IGF1: variants seen among roughly 807,000 people sequenced by gnomAD.
IGF1 encodes the protein insulin like growth factor 1, also known as insulin-like growth factor 1.
IGF1 carries 4 observed loss-of-function variants against 13.8 expected under a neutral mutation model. That is an observed-to-expected ratio of 0.29 (90% CI 0.14 to 0.66). IGF1 has a LOEUF of 0.66. Among genes scored for constraint, IGF1 ranks in the 30% least tolerant of loss-of-function variants. The pLI is 0.78. For synonymous variants in IGF1, 76 were observed against 72.6 expected, an observed-to-expected ratio of 1.05 and a Z score of -0.23; for missense variants, 124 against 188.5, an observed-to-expected ratio of 0.66 and a Z score of 2.00.
intron 2 of IGF1, among the ~76,000 whole-genome samples, chr12:102,458,566 C>T (rs1235091555): frequency 6.6e-6 from 1 of 152,074 alleles, no homozygotes; most frequent in Non-Finnish European, 1.5e-5. Context: ...GCACACATAA[C>T]TAATCTAGGC....
intron 2 of IGF1, among the ~76,000 whole-genome samples, chr12:102,471,033 TC>T (rs765156664): frequency 7.9e-5 from 12 of 152,144 alleles, no homozygotes; most frequent in Non-Finnish European, 1.6e-4. Context: ...GGCTCCTTAG[TC>T]CAAAAGACCT....
At chr12:102,419,963 T>A (rs1298688055) in intron 2 of IGF1, among the ~76,000 whole-genome samples, 1 of 152,208 alleles carries the variant, frequency 6.6e-6, no homozygotes, top group Non-Finnish European at 1.5e-5. Flanking sequence ...TAGGCAAGGA[T>A]CTTGTCTATG....
At chr12:102,421,216 GTGGTCTTTCTGGGCAGAGTC>G (rs1170288173) in intron 2 of IGF1, among the ~76,000 whole-genome samples, 1 of 152,194 alleles carries the variant, frequency 6.6e-6, no homozygotes, top group Non-Finnish European at 1.5e-5. Flanking sequence ...GGGTTCATTT[GTGGTCTTTCTGGGCAGAGTC>G]TGCTGTGCAG....
intron 2 of IGF1, among the ~76,000 whole-genome samples, chr12:102,429,226 C>A (rs1876515815): frequency 6.6e-6 from 1 of 151,978 alleles, no homozygotes; most frequent in African/African-American, 2.4e-5. Context: ...CTCATCAGAC[C>A]ATTATTTCTT....
intron 2 of IGF1, among the ~76,000 whole-genome samples, chr12:102,440,910 T>A (rs944746373): frequency 1.3e-5 from 2 of 152,194 alleles, no homozygotes; most frequent in African/African-American, 4.8e-5. Context: ...AGGAATGAGT[T>A]TTTTGGGAGA....
At chr12:102,449,128 G>A (rs933585243) in intron 2 of IGF1, among the ~76,000 whole-genome samples, 1 of 152,098 alleles carries the variant, frequency 6.6e-6, no homozygotes, top group African/African-American at 2.4e-5. Flanking sequence ...ATTCACAATA[G>A]GAAAGACTTG....
At chr12:102,471,469 A>C (rs753543394) in intron 2 of IGF1, among the ~76,000 whole-genome samples, 2 of 152,178 alleles carry the variant, frequency 1.3e-5, no homozygotes, top group Non-Finnish European at 2.9e-5. Context: ...ACTTAATAAT[A>C]ATAACCTAGA....
intron 1 of IGF1, chr12:102,478,605 G>C: frequency 6.5e-7 from 1 of 1,546,388 alleles, no homozygotes; most frequent in Non-Finnish European, 8.7e-7. Flanking sequence ...TTGTGGGTGG[G>C]GTTTGTGAAA....
At chr12:102,411,012 TA>T (rs1198471393) in intron 3 of IGF1, among the ~76,000 whole-genome samples, 6 of 152,182 alleles carry the variant, frequency 3.9e-5, no homozygotes, top group Non-Finnish European at 7.4e-5. Flanking sequence ...CATACAGTTT[TA>T]AAAAAATCAG....
At position 102,415,031 on chromosome 12, in the gene IGF1, G is replaced by T. The variant is rs778949186; in HGVS notation, c.402+4478C>A. On this transcript the variant is annotated intron_variant, in intron 3 of 3. Transcript: ENST00000337514. The stretch of plus-strand genomic sequence containing the variant: ...TAGCCAGTTGCCACCTGTAGCAATA[G>T]GTCCTTGAACAATTTCAATTTGGCC... 6.8e-4 allele frequency among the ~76,000 whole-genome samples: 104 copies of T among 152,272 alleles called. 1 individual carries two copies. The highest frequency in any genetic ancestry group is 3.4e-3 in the Middle Eastern group (1 of 294).
At chr12:102,420,981 T>G (rs1875660536) in intron 2 of IGF1, among the ~76,000 whole-genome samples, 1 of 152,230 alleles carries the variant, frequency 6.6e-6, no homozygotes, top group South Asian at 2.1e-4. Context: ...AAAGTCAGAA[T>G]CCTCATGTAT....
chr12:102,460,808 AT>A (rs1326922447), intron 2 of IGF1, among the ~76,000 whole-genome samples: 1 of 152,182 alleles, frequency 6.6e-6, no homozygotes, highest in African/African-American at 2.4e-5. Flanking sequence ...AACAAATCAA[AT>A]ATATAGTTTT....
intron 2 of IGF1, among the ~76,000 whole-genome samples, chr12:102,466,281 T>C (rs1244022435): frequency 6.6e-6 from 1 of 152,196 alleles, no homozygotes; most frequent in African/African-American, 2.4e-5. Context: ...TGTGTTACTT[T>C]CACTCATGGT....
rs1000573090 is a variant in IGF1 at position 102,448,090 on chromosome 12, T to C, written c.220+27553A>G. On this transcript the variant is annotated intron_variant, in intron 2 of 3. Transcript: ENST00000337514. ...AAATTTACAAAAAAAAAAAATCTCATGGGACTGTAAACTAGTCAACCATTG... is the reference window on the plus strand; with the variant it reads ...AAATTTACAAAAAAAAAAAATCTCACGGGACTGTAAACTAGTCAACCATTG... Among the ~76,000 whole-genome samples the C allele has an allele frequency of 7.1e-5, 4 of 56,304 alleles. No homozygotes were observed. In the Admixed American group the frequency reaches 9.0e-4, roughly 13 times the overall value. 36.9% of individuals were successfully genotyped at this position (56,304 alleles called of 152,430 possible).
At chr12:102,457,293 A>G (rs1879496133) in intron 2 of IGF1, among the ~76,000 whole-genome samples, 2 of 152,248 alleles carry the variant, frequency 1.3e-5, no homozygotes, top group Admixed American at 1.3e-4. Flanking sequence ...TGCTAAAAGA[A>G]AAGCAACCAA....
intron 2 of IGF1, among the ~76,000 whole-genome samples, chr12:102,451,306 C>T (rs1878902398): frequency 6.6e-6 from 1 of 152,192 alleles, no homozygotes; most frequent in African/African-American, 2.4e-5. Flanking sequence ...TAGATAATTT[C>T]AGTATATCTC....
intron 2 of IGF1, among the ~76,000 whole-genome samples, chr12:102,447,193 T>C (rs1250297056): frequency 6.6e-6 from 1 of 152,202 alleles, no homozygotes; most frequent in Non-Finnish European, 1.5e-5. Context: ...GAGAAGAGTG[T>C]ATATTCTGTT....
At chr12:102,442,829 C>T (rs1047144011) in intron 2 of IGF1, among the ~76,000 whole-genome samples, 1 of 152,092 alleles carries the variant, frequency 6.6e-6, no homozygotes, top group Non-Finnish European at 1.5e-5. Context: ...CTGAGCCAGT[C>T]TTATATGCAG....
At chr12:102,471,612 C>A (rs1032246773) in intron 2 of IGF1, among the ~76,000 whole-genome samples, 3 of 152,174 alleles carry the variant, frequency 2.0e-5, no homozygotes, top group Non-Finnish European at 4.4e-5. Flanking sequence ...AATAACTATA[C>A]ATTGGAAGTA....
Sources: gnomAD v4.1 joint callset for allele counts (sites outside exome capture counted in the v4.1 genomes callset) on GRCh38, gnomAD v4.1.1 for gene constraint, MANE v1.5 for transcripts, NCBI Gene and HGNC (gene_info 2026-07-23, HGNC 2026-07-21) for gene names.